The following PDE1C variants were observed in gnomAD, a reference collection of about 807,000 sequenced individuals.
PDE1C encodes the protein phosphodiesterase 1C, also known as dual specificity calcium/calmodulin-dependent 3',5'-cyclic nucleotide phosphodiesterase 1C.
Under a neutral mutation model 93.1 loss-of-function variants are expected in PDE1C, and 62 were observed. That is an observed-to-expected ratio of 0.67 (90% CI 0.54 to 0.82). The LOEUF is 0.82. Among genes scored for constraint, PDE1C ranks in the 40% least tolerant of loss-of-function variants. The probability of loss-of-function intolerance (pLI) is 0.00; values close to 1 mark genes in which losing one functional copy is unlikely to be tolerated. For synonymous variants in PDE1C, 325 were observed against 310.1 expected (o/e 1.05, Z -0.50); for missense variants, 742 against 884.6 (o/e 0.84, Z 2.04).
rs558398395 is a variant in PDE1C, at chr7:31,953,857, C to A, written c.129-72997G>T. On this transcript the variant is annotated intron_variant, in intron 2 of 17. Transcript: ENST00000396191. ...TTAGTAAAATATTAAGAAAAAAAAACCAGTATGAGTAGAGCTGGAGAAATA... is the reference window on the plus strand; with the variant it reads ...TTAGTAAAATATTAAGAAAAAAAAAACAGTATGAGTAGAGCTGGAGAAATA... 1.2e-4 allele frequency among the ~76,000 whole-genome samples: 18 copies of A among 152,034 alleles called. No homozygotes were observed. The East Asian group carries it at 1.5e-3, about 13-fold the overall frequency.
At chr7:31,720,047 C>T in the PDE1C span, among the ~76,000 whole-genome samples, 2 of 151,398 alleles carry the variant, frequency 1.3e-5, no homozygotes, top group South Asian at 2.1e-4. Flanking sequence ...CCTGTAGTCC[C>T]AGCTACTCGG....
chr7:31,651,766 TG>T, the PDE1C span, among the ~76,000 whole-genome samples: 1 of 133,434 alleles, frequency 7.5e-6, no homozygotes, highest in Non-Finnish European at 1.6e-5. Flanking sequence ...GCAATAAAGT[TG>T]TTTTTTTTTT....
intron 3 of PDE1C, among the ~76,000 whole-genome samples, chr7:32,084,034 C>T (rs1436789591): frequency 6.6e-6 from 1 of 151,546 alleles, no homozygotes; most frequent in Admixed American, 6.6e-5. Flanking sequence ...ACTAAATGCT[C>T]CAATTAAAAG....
intron 2 of PDE1C, among the ~76,000 whole-genome samples, chr7:31,997,961 C>T (rs1021599238): frequency 6.6e-6 from 1 of 151,848 alleles, no homozygotes; most frequent in African/African-American, 2.4e-5. Flanking sequence ...AGTAAAATGC[C>T]TCTATGTGGC....
At chr7:32,365,593 G>A (rs910499151) in intron 1 of PDE1C, among the ~76,000 whole-genome samples, 4 of 151,928 alleles carry the variant, frequency 2.6e-5, no homozygotes, top group African/African-American at 9.7e-5. Flanking sequence ...CCATGTCCTG[G>A]GCCTGAGAAA....
At chr7:32,214,526 A>G (rs2128848019) in intron 1 of PDE1C, among the ~76,000 whole-genome samples, 1 of 152,324 alleles carries the variant, frequency 6.6e-6, no homozygotes, top group Non-Finnish European at 1.5e-5. Context: ...CCCAGTGAGC[A>G]GCCGAAGTTG....
chr7:32,399,838 C>A (rs1055791577), intron 1 of PDE1C, among the ~76,000 whole-genome samples: 4 of 152,010 alleles, frequency 2.6e-5, no homozygotes, highest in South Asian at 2.1e-4. Context: ...CCCATTTCGG[C>A]CTCTCAAAGT....
the PDE1C span, among the ~76,000 whole-genome samples, chr7:31,627,313 G>A: frequency 3.3e-5 from 5 of 151,978 alleles, no homozygotes; most frequent in Admixed American, 1.3e-4. Context: ...TATTGGGGAT[G>A]CAAACAAAAA....
At chr7:31,780,801 ATTTGTGTGTG>A (rs913964510) in intron 16 of PDE1C, among the ~76,000 whole-genome samples, 1 of 89,956 alleles carries the variant, frequency 1.1e-5, no homozygotes, top group African/African-American at 3.7e-5. Context: ...GCACGTGTGC[ATTTGTGTGTG>A]TGTGTGTGTG....
intron 1 of PDE1C, among the ~76,000 whole-genome samples, chr7:32,227,333 G>A (rs552046653): frequency 1.6e-4 from 24 of 152,240 alleles, no homozygotes; most frequent in South Asian, 8.3e-4. Context: ...TACCACCCAC[G>A]ACATGATGTC....
At chr7:31,755,252 T>C (rs973789532) in intron 17 of PDE1C, among the ~76,000 whole-genome samples, 1 of 152,174 alleles carries the variant, frequency 6.6e-6, no homozygotes, top group Non-Finnish European at 1.5e-5. Context: ...CAATATGAAT[T>C]AATATTTAGC....
chr7:32,333,148 T>C (rs1000536648), intron 1 of PDE1C, among the ~76,000 whole-genome samples: 1 of 152,150 alleles, frequency 6.6e-6, no homozygotes, highest in Non-Finnish European at 1.5e-5. Flanking sequence ...ACCAAGGTCA[T>C]AGCCAGAGAG....
At chr7:32,409,182 C>A (rs2128097420) in intron 1 of PDE1C, among the ~76,000 whole-genome samples, 2 of 151,886 alleles carry the variant, frequency 1.3e-5, no homozygotes, top group East Asian at 3.9e-4. Context: ...CATGGTGAAA[C>A]CTCATCTCTA....
chr7:32,196,913 G>A (rs887355838), intron 2 of PDE1C, among the ~76,000 whole-genome samples: 12 of 152,292 alleles, frequency 7.9e-5, no homozygotes, highest in African/African-American at 2.6e-4. Flanking sequence ...AGTTAATATT[G>A]CCTAATAAAT....
chr7:31,880,679 T>C, intron 3 of PDE1C, 68 bp downstream of exon 3: 1 of 918,348 alleles, frequency 1.1e-6, no homozygotes, highest in Non-Finnish European at 1.7e-6. Context: ...GGGGGACAAT[T>C]TCAGAAAAGC....
At chr7:32,156,644 G>A (rs756045776) in intron 3 of PDE1C, among the ~76,000 whole-genome samples, 13 of 151,888 alleles carry the variant, frequency 8.6e-5, no homozygotes, top group Admixed American at 3.3e-4. Context: ...GATGAAAGAA[G>A]AGTCCAGAGT....
chr7:32,113,528 T>C (rs1014535055), intron 3 of PDE1C, among the ~76,000 whole-genome samples: 1 of 151,686 alleles, frequency 6.6e-6, no homozygotes, highest in Non-Finnish European at 1.5e-5. Flanking sequence ...TACTTAGAAA[T>C]AAATATTACC....
chr7:31,754,795 G>T (rs769763995), intron 17 of PDE1C, among the ~76,000 whole-genome samples: 2 of 152,162 alleles, frequency 1.3e-5, no homozygotes, highest in African/African-American at 2.4e-5. Flanking sequence ...TGAAACTCTC[G>T]CATACAATAC....
At chr7:32,106,712 A>T (rs1798330744) in intron 3 of PDE1C, among the ~76,000 whole-genome samples, 1 of 152,218 alleles carries the variant, frequency 6.6e-6, no homozygotes, top group Non-Finnish European at 1.5e-5. Flanking sequence ...CAATTCCTCA[A>T]GAATTAGGCC....
Sources: gnomAD v4.1 joint callset for allele counts (sites outside exome capture counted in the v4.1 genomes callset) on GRCh38, gnomAD v4.1.1 for gene constraint, MANE v1.5 for transcripts, NCBI Gene and HGNC (gene_info 2026-07-23, HGNC 2026-07-21) for gene names.